Variants in DOHH observed in about 807,000 individuals in gnomAD.
The protein encoded by DOHH is deoxyhypusine hydroxylase.
DOHH carries 16 observed loss-of-function variants against 19.9 expected under a neutral mutation model. That is an observed-to-expected ratio of 0.80 (90% CI 0.54 to 1.22). The LOEUF is 1.22. Among genes scored for constraint, DOHH ranks in the 50% most tolerant of loss-of-function variants. The pLI, the probability that DOHH is intolerant of heterozygous loss-of-function variation, is 0.00. For missense variants in DOHH, 460 were observed against 460.6 expected (o/e 1.00, Z 0.01); for synonymous variants, 233 against 217.0 (o/e 1.07, Z -0.65).
Position 3,496,914 on chromosome 19 carries a change from T to C in DOHH, c.-72-28A>G. 7.4e-7 allele frequency: 1 copy of C among 1,358,862 alleles called. No individual in the cohort carries two copies. Among genetic ancestry groups the C allele is most frequent in the Non-Finnish European group, 9.5e-7 (1 of 1,049,190 alleles). The allele number at this position is 1,358,862 out of a possible 1,614,324, so 84.2% of individuals were successfully genotyped here. A position where few individuals can be genotyped will look rare whatever the true frequency, so the allele number is the denominator to read the frequency against. The stretch of plus-strand genomic sequence containing the variant: ...GTGGCAGAAAAATGAGAGCCCAGGT[T>C]AGAAGCCCCCTTCACCAGTGCGTTG... On this transcript the variant is annotated intron_variant, in intron 1 of 4. Coordinates refer to ENST00000427575, the MANE Select transcript of DOHH (RefSeq NM_001145165.2). This position sits in a 1 kb window ranked among gnomAD's most constrained non-coding sequence, Gnocchi z 4.8.
At chr19:3,492,902 T>C (rs952978981) in intron 3 of DOHH, among the ~76,000 whole-genome samples, 4 of 152,100 alleles carry the variant, frequency 2.6e-5, no homozygotes, top group African/African-American at 9.7e-5. Context: ...CTAAAGGTGA[T>C]GAGATATCGT....
At chr19:3,492,563 C>T (rs2082879341) in intron 3 of DOHH, 64 bp from the exon 4 acceptor site, 7 of 1,264,914 alleles carry the variant, frequency 5.5e-6, no homozygotes, top group Non-Finnish European at 6.1e-6. Flanking sequence ...CTTCCCCACC[C>T]CCCGGGATGG....
chr19:3,495,031 G>A (rs2082898342), intron 2 of DOHH, among the ~76,000 whole-genome samples: 1 of 151,584 alleles, frequency 6.6e-6, no homozygotes. Flanking sequence ...AGAGTACAAT[G>A]GCGCGATCTC....
At chr19:3,493,048 G>A (rs527553905) in intron 3 of DOHH, among the ~76,000 whole-genome samples, 2 of 152,254 alleles carry the variant, frequency 1.3e-5, no homozygotes, top group Non-Finnish European at 2.9e-5. Flanking sequence ...ATGCATGTCC[G>A]TGGCGGCATA....
intron 2 of DOHH, among the ~76,000 whole-genome samples, chr19:3,495,309 C>T (rs923778602): frequency 3.3e-5 from 5 of 152,102 alleles, no homozygotes; most frequent in African/African-American, 7.2e-5. Context: ...CAGGGTCTCA[C>T]TCTGTTGCCC....
At position 3,494,099 on chromosome 19, in the gene DOHH, C is replaced by T; in HGVS notation, c.280G>A (p.Ala94Thr). 4 of 1,613,422 alleles carry T rather than the reference C, an allele frequency of 2.5e-6. No individual in the cohort carries two copies. The highest frequency in any genetic ancestry group is 3.4e-6 in the Non-Finnish European group (4 of 1,179,516). ...TCCGGGTCCCCGATGGCCCCCAGGG[C>T]CTCCCCTGGGAAGAAGCAGCCGGAG... is the stretch of plus-strand genomic sequence containing the variant. ...EPMVRHEAGE[A>T]LGAIGDPEVL... Residue 94 changes from alanine (A) to threonine (T), a missense_variant, in exon 3 of 5, where the codon GCC becomes ACC. Transcript: ENST00000427575.
chr19:3,495,976 A>G (rs1410547575), intron 2 of DOHH, among the ~76,000 whole-genome samples: 2 of 152,188 alleles, frequency 1.3e-5, no homozygotes, highest in East Asian at 1.9e-4. Flanking sequence ...GGTGGAATTT[A>G]TATGAAATTC....
intron 3 of DOHH, among the ~76,000 whole-genome samples, chr19:3,492,829 C>A (rs1339138602): frequency 6.6e-6 from 1 of 152,196 alleles, no homozygotes; most frequent in African/African-American, 2.4e-5. Context: ...GCCAAAGGAA[C>A]ATGTGCGGCC....
rs572759390 is a variant in DOHH, at chr19:3,496,312, C to T, written c.274+229G>A. Among the ~76,000 whole-genome samples the T allele has an allele frequency of 5.3e-5, 8 of 152,300 alleles. No individual in the cohort carries two copies. The highest frequency in any genetic ancestry group is 1.0e-4 in the Non-Finnish European group (7 of 68,030). On this transcript the variant is annotated intron_variant, in intron 2 of 4. Transcript: ENST00000427575. The surrounding 1 kb of genome is among the most constrained non-coding windows in gnomAD (Gnocchi z 4.8). ...CAGGCCTGAGCCACCGCCCCCTGCC[C>T]AGTTGAGGTTGTCTGGGCACACAGC...
chr19:3,498,490 A>G (rs1377962024), intron 1 of DOHH, among the ~76,000 whole-genome samples: 1 of 151,582 alleles, frequency 6.6e-6, no homozygotes. Flanking sequence ...ACCACAACCT[A>G]TGCTTCCAGG....
rs546069234 is a variant in DOHH at position 3,491,867 on chromosome 19, T to G, written c.590-56A>C. 64 of 1,392,926 alleles carry G rather than the reference T, an allele frequency of 4.6e-5. No individual in the cohort carries two copies. In the African/African-American group the frequency reaches 8.1e-4, roughly 18 times the overall value. The allele number at this position is 1,392,926 out of a possible 1,614,324, so 86.3% of individuals were successfully genotyped here. ...AGGAGGGGTGGGAAGGGGAGCTCTG[T>G]CTTTTCGAAGACATGGGGTCTTGCT... On this transcript the variant is annotated intron_variant, in intron 4 of 4. Coordinates refer to ENST00000427575, the MANE Select transcript of DOHH (RefSeq NM_001145165.2). The surrounding 1 kb of genome is among the most constrained non-coding windows in gnomAD (Gnocchi z 5.6).
intron 1 of DOHH, among the ~76,000 whole-genome samples, chr19:3,498,695 AC>A (rs1473786113): frequency 6.6e-6 from 1 of 152,152 alleles, no homozygotes; most frequent in African/African-American, 2.4e-5. Context: ...TTGAGCCACC[AC>A]ACCCAGCCAA....
chr19:3,493,099 G>T (rs1274902612), intron 3 of DOHH, among the ~76,000 whole-genome samples: 3 of 152,214 alleles, frequency 2.0e-5, no homozygotes, highest in African/African-American at 7.2e-5. Flanking sequence ...CAAGCATCCA[G>T]CCACAGTGAG....
At chr19:3,494,541 C>T (rs1476149454) in intron 2 of DOHH, among the ~76,000 whole-genome samples, 1 of 152,200 alleles carries the variant, frequency 6.6e-6, no homozygotes, top group Non-Finnish European at 1.5e-5. Flanking sequence ...CAAAACAGGC[C>T]GGGCCTGCCG....
intron 2 of DOHH, among the ~76,000 whole-genome samples, chr19:3,494,311 G>A (rs891056759): frequency 3.3e-5 from 5 of 152,184 alleles, no homozygotes; most frequent in African/African-American, 1.2e-4. Context: ...GCACTGCCTG[G>A]AACCGCACCT....
rs2082888911 is a variant in DOHH at position 3,493,908 on chromosome 19, C to T, written c.351+120G>A. The stretch of plus-strand genomic sequence containing the variant: ...CCTGGGGCATCCTTGGCCAAGTGGT[C>T]GCCCTGGCAACCAGAGATGGGGAGG... On this transcript the variant is annotated intron_variant, in intron 3 of 4. Transcript: ENST00000427575. The T allele has an allele frequency of 1.6e-5, 14 of 883,152 alleles. No individual in the cohort carries two copies. In the South Asian group the frequency reaches 2.2e-4, roughly 14 times the overall value. 54.7% of individuals were successfully genotyped at this position (883,152 alleles called of 1,614,324 possible). A position where few individuals can be genotyped will look rare whatever the true frequency, so the allele number is the denominator to read the frequency against.
At chr19:3,493,914 G>A in intron 3 of DOHH, 114 bp downstream of exon 3, 1 of 981,878 alleles carries the variant, frequency 1.0e-6, no homozygotes, top group South Asian at 1.8e-5. Flanking sequence ...TGGTCGCCCT[G>A]GCAACCAGAG....
intron 2 of DOHH, 58 bp from the exon 3 acceptor site, chr19:3,494,162 G>A (rs537482056): frequency 2.1e-5 from 31 of 1,502,570 alleles, no homozygotes; most frequent in East Asian, 4.6e-5. Flanking sequence ...GAAAATGCCC[G>A]GCTACCTCTG....
rs980911395 is a variant in DOHH at position 3,491,785 on chromosome 19, G to T, written c.616C>A (p.Arg206Ser). 2 of 1,503,302 alleles carry T rather than the reference G, an allele frequency of 1.3e-6. No homozygotes were observed. Among genetic ancestry groups the T allele is most frequent in the Non-Finnish European group, 8.9e-7 (1 of 1,129,228 alleles). 93.1% of individuals were successfully genotyped at this position (1,503,302 alleles called of 1,614,324 possible). The change falls in exon 5 of 5, where the codon CGC becomes AGC. Residue 206 changes from arginine to serine, a missense_variant. By Grantham distance (110) the Arg-to-Ser change is moderately radical. Transcript: ENST00000427575. The surrounding 1 kb of genome is among the most constrained non-coding windows in gnomAD (Gnocchi z 5.6). The part of the protein sequence containing the change: ...EGLHCGSALF[R>S]HEVGYVLGQL... ...CCCAGGACGTAGCCGACCTCGTGGC[G>T]GAAGAGGGCGCTCCCACAGTGCAGA...
Sources: gnomAD v4.1 joint callset for allele counts (sites outside exome capture counted in the v4.1 genomes callset) on GRCh38, gnomAD v4.1.1 for gene constraint, Gnocchi (gnomAD v3.1) non-coding constraint, MANE v1.5 for transcripts, NCBI Gene and HGNC (gene_info 2026-07-23, HGNC 2026-07-21) for gene names.